RAP1GAP2: variants seen among roughly 807,000 people sequenced by gnomAD.
RAP1GAP2 encodes rap1 GTPase-activating protein 2.
In RAP1GAP2, 27 loss-of-function variants were observed where a neutral mutation model predicts 95.0. The observed-to-expected ratio is 0.28, with a 90% CI of 0.21 to 0.39. The LOEUF is 0.39. Ranked by LOEUF, RAP1GAP2 falls within the 10% of genes least tolerant of loss-of-function variation. RAP1GAP2 has a pLI of 1.00. For missense variants in RAP1GAP2, 771 were observed against 970.0 expected, an observed-to-expected ratio of 0.79 and a Z score of 2.72; for synonymous variants, 373 against 380.9, an observed-to-expected ratio of 0.98 and a Z score of 0.24.
At position 3,005,445 on chromosome 17, in the gene RAP1GAP2, G is replaced by A; in HGVS notation, c.1272+5G>A. On this transcript the variant is annotated splice_donor_5th_base_variant and intron_variant, in intron 15 of 24. Transcript: ENST00000254695. This position sits in a 1 kb window ranked among gnomAD's most constrained non-coding sequence, Gnocchi z 5.2. ...AGTCCCCCCGTTTTCCAGAAGGTAG[G>A]ACACTCTTCCTTCTGCCCCTCTCGC... 6.2e-7 allele frequency: 1 copy of A among 1,610,150 alleles called. No homozygotes were observed.
chr17:2,911,559 C>G (rs529568816), intron 3 of RAP1GAP2, among the ~76,000 whole-genome samples: 1 of 152,086 alleles, frequency 6.6e-6, no homozygotes, highest in South Asian at 2.1e-4. Context: ...CCTCCACCCT[C>G]AGAGAGCCTG....
In RAP1GAP2 at chr17:2,902,153, C is replaced by T. The variant is rs930540401; in HGVS notation, c.81-3131C>T. 6.6e-6 allele frequency among the ~76,000 whole-genome samples: 1 copy of T among 152,196 alleles called. No homozygotes were observed. Among genetic ancestry groups the T allele is most frequent in the African/African-American group, 2.4e-5 (1 of 41,444 alleles). ...CATGCGTTGGCTTGCAGCCGCATCA[C>T]TCCTGTGTCTGCCTGAGAACACGGG... On this transcript the variant is annotated intron_variant, in intron 2 of 24. Transcript: ENST00000254695. This position sits in a 1 kb window ranked among gnomAD's most constrained non-coding sequence, Gnocchi z 4.1.
At chr17:2,918,306 G>A (rs538821217) in intron 3 of RAP1GAP2, among the ~76,000 whole-genome samples, 8 of 151,836 alleles carry the variant, frequency 5.3e-5, no homozygotes, top group African/African-American at 7.2e-5. Context: ...GGTGGCGAGC[G>A]CCTATAATCC....
chr17:3,004,850 C>T lies in RAP1GAP2; in HGVS notation c.1201-519C>T, dbSNP rs1446857526. Among the ~76,000 whole-genome samples, 8 of 152,226 alleles carry T rather than the reference C, an allele frequency of 5.3e-5. No homozygotes were observed. The highest frequency in any genetic ancestry group is 1.2e-4 in the Non-Finnish European group (8 of 68,048). ...CACCTGAAGCAATTTTGAAGCAATT[C>T]TGATTTATGGCCGAGCTGAGGAGTC... On this transcript the variant is annotated intron_variant, in intron 14 of 24. Coordinates refer to ENST00000254695, the MANE Select transcript of RAP1GAP2 (RefSeq NM_015085.5). The surrounding 1 kb of genome is among the most constrained non-coding windows in gnomAD (Gnocchi z 4.1).
chr17:2,891,775 G>T lies in RAP1GAP2; in HGVS notation c.81-13509G>T, dbSNP rs1041514094. Among the ~76,000 whole-genome samples, 8 of 134,296 alleles carry T rather than the reference G, an allele frequency of 6.0e-5. No individual in the cohort carries two copies. In the East Asian group the frequency reaches 1.8e-3, roughly 29 times the overall value. 88.1% of individuals were successfully genotyped at this position (134,296 alleles called of 152,430 possible). ...TTGCCTACTAGATTCCAGAGTTGCT[G>T]TTGAAAAGTCTGATGATATGCAGAT... is the stretch of plus-strand genomic sequence containing the variant. On this transcript the variant is annotated intron_variant, in intron 2 of 24. Transcript: ENST00000254695.
intron 2 of RAP1GAP2, among the ~76,000 whole-genome samples, chr17:2,852,493 G>A (rs936050904): frequency 2.0e-5 from 3 of 152,176 alleles, no homozygotes; most frequent in Non-Finnish European, 4.4e-5. Context: ...TGAAGCCTCA[G>A]GCCCTCGAAT....
intron 2 of RAP1GAP2, among the ~76,000 whole-genome samples, chr17:2,893,230 G>A (rs1480703316): frequency 1.3e-5 from 2 of 151,970 alleles, no homozygotes; most frequent in African/African-American, 4.8e-5. Flanking sequence ...TAGTAGAGAC[G>A]TGGTTTCTCC....
intron 1 of RAP1GAP2, among the ~76,000 whole-genome samples, chr17:2,780,149 C>T (rs1426763358): frequency 6.6e-6 from 1 of 152,222 alleles, no homozygotes; most frequent in African/African-American, 2.4e-5. Flanking sequence ...CTCCTGGGTT[C>T]AAGTGATTCT....
At chr17:2,817,162 A>T (rs2070060188) in intron 2 of RAP1GAP2, among the ~76,000 whole-genome samples, 1 of 116,670 alleles carries the variant, frequency 8.6e-6, no homozygotes, top group Admixed American at 8.3e-5. Flanking sequence ...TAATTTCTGT[A>T]TTTTTAGTAG....
chr17:2,872,670 C>T (rs1314656900), intron 2 of RAP1GAP2, among the ~76,000 whole-genome samples: 1 of 151,896 alleles, frequency 6.6e-6, no homozygotes, highest in African/African-American at 2.4e-5. Flanking sequence ...ACAACTTTCA[C>T]ACTTGATGGA....
chr17:2,911,995 C>T (rs557766042), intron 3 of RAP1GAP2, among the ~76,000 whole-genome samples: 1 of 152,318 alleles, frequency 6.6e-6, no homozygotes, highest in East Asian at 1.9e-4. Flanking sequence ...TGAGGGCAGC[C>T]CCTCTCAGAC....
chr17:2,959,314 A>G (rs2044228830), intron 4 of RAP1GAP2, among the ~76,000 whole-genome samples: 1 of 152,152 alleles, frequency 6.6e-6, no homozygotes, highest in Non-Finnish European at 1.5e-5. Flanking sequence ...CTGTTCATGT[A>G]GATCGGGTGC....
chr17:2,797,070 T>G lies in RAP1GAP2; in HGVS notation c.44+499T>G, dbSNP rs2069111943. On this transcript the variant is annotated intron_variant, in intron 1 of 24. Coordinates refer to ENST00000254695, the MANE Select transcript of RAP1GAP2 (RefSeq NM_015085.5). This position sits in a 1 kb window ranked among gnomAD's most constrained non-coding sequence, Gnocchi z 5.6. Reference sequence around the variant, plus strand: ...GTCTGTGTGTGCTTGTGTCTGCGTGTTTGTGTGTGTGATGCTCCTGTCTGT... The same window carrying G: ...GTCTGTGTGTGCTTGTGTCTGCGTGGTTGTGTGTGTGATGCTCCTGTCTGT... Among the ~76,000 whole-genome samples, 1 of 152,030 alleles carries G rather than the reference T, an allele frequency of 6.6e-6. No individual in the cohort carries two copies. The highest frequency in any genetic ancestry group is 6.6e-5 in the Admixed American group (1 of 15,254).
chr17:2,787,216 G>T (rs2151457933), intron 1 of RAP1GAP2, among the ~76,000 whole-genome samples: 1 of 150,532 alleles, frequency 6.6e-6, no homozygotes, highest in East Asian at 2.0e-4. Context: ...CCTCCAAAGT[G>T]CTGGGATTAC....
chr17:2,796,644 C>A lies in RAP1GAP2; in HGVS notation c.44+73C>A. On this transcript the variant is annotated intron_variant, in intron 1 of 24. Coordinates refer to ENST00000254695, the MANE Select transcript of RAP1GAP2 (RefSeq NM_015085.5). The surrounding 1 kb of genome is among the most constrained non-coding windows in gnomAD (Gnocchi z 4.7). ...AGTGAAGTCTTGTTAAGTGCATTGG[C>A]GGCCGTGGGAACAGAGGGGCTCGGG... 1.3e-6 allele frequency: 2 copies of A among 1,510,048 alleles called. No individual in the cohort carries two copies. The highest frequency in any genetic ancestry group is 1.8e-6 in the Non-Finnish European group (2 of 1,109,512). The allele number at this position is 1,510,048 out of a possible 1,614,324, so 93.5% of individuals were successfully genotyped here.
In RAP1GAP2 at chr17:2,995,449, G is replaced by A. The variant is rs1432480071; in HGVS notation, c.1027G>A (p.Asp343Asn). ...FHVSTKLPFT[D>N]GDAQQLQRKR... is the part of the protein sequence containing the mutation. ...CGTTTCCACAAAGCTGCCATTTACC[G>A]ACGGAGACGCCCAGCAGGTAACCTG... The change falls in exon 13 of 25, where the codon GAC becomes AAC. Residue 343 changes from aspartate to asparagine, a missense_variant. Coordinates refer to ENST00000254695, the MANE Select transcript of RAP1GAP2 (RefSeq NM_015085.5). 6 of 1,613,704 alleles carry A rather than the reference G, an allele frequency of 3.7e-6. No homozygotes were observed. Among genetic ancestry groups the A allele is most frequent in the African/African-American group, 1.3e-5 (1 of 74,940 alleles).
chr17:2,792,632 C>A (rs2068954074), upstream of RAP1GAP2, among the ~76,000 whole-genome samples: 1 of 152,216 alleles, frequency 6.6e-6, no homozygotes, highest in African/African-American at 2.4e-5. Flanking sequence ...GTTCCTGGAT[C>A]CCAGCGGCAT....
At chr17:2,764,817 G>T (rs1484650090) in intron 1 of RAP1GAP2, among the ~76,000 whole-genome samples, 2 of 152,074 alleles carry the variant, frequency 1.3e-5, no homozygotes, top group Non-Finnish European at 2.9e-5. Flanking sequence ...ATTCAAAAGG[G>T]TCTAAAGCAG....
intron 2 of RAP1GAP2, among the ~76,000 whole-genome samples, chr17:2,869,027 G>T (rs369147676): frequency 6.6e-6 from 1 of 152,132 alleles, no homozygotes; most frequent in Non-Finnish European, 1.5e-5. Flanking sequence ...TTCTCACATA[G>T]CGAAGGGGCA....
Sources: allele counts gnomAD v4.1 joint callset (sites outside exome capture counted in the v4.1 genomes callset), GRCh38; gene constraint gnomAD v4.1.1; non-coding constraint Gnocchi (gnomAD v3.1); transcripts MANE v1.5; gene names NCBI Gene and HGNC (gene_info 2026-07-23, HGNC 2026-07-21).